The following RNF19A variants were observed in gnomAD, a reference collection of about 807,000 sequenced individuals.
RNF19A encodes the protein E3 ubiquitin-protein ligase RNF19A.
RNF19A carries 32 observed loss-of-function variants against 75.7 expected under a neutral mutation model. That is an observed-to-expected ratio of 0.42 (90% confidence interval 0.32 to 0.57). The LOEUF is 0.57. RNF19A is among the 20% of genes least tolerant of loss of function. The pLI is 0.10. For missense variants in RNF19A, 782 were observed against 1,036.3 expected (o/e 0.75, Z 3.37); for synonymous variants, 335 against 345.2 (o/e 0.97, Z 0.33).
chr8:100,270,254 G>A (rs757219870), intron 3 of RNF19A, among the ~76,000 whole-genome samples: 3 of 151,868 alleles, frequency 2.0e-5, no homozygotes, highest in Non-Finnish European at 4.4e-5. Context: ...TGAGAACAAA[G>A]AATAAAAAAA....
At position 100,259,575 on chromosome 8, in the gene RNF19A, A is replaced by G. The variant is rs1276429580; in HGVS notation, c.1826+279T>C. On this transcript the variant is annotated intron_variant, in intron 9 of 9. Transcript: ENST00000341084. The surrounding 1 kb of genome is among the most constrained non-coding windows in gnomAD (Gnocchi z 4.5). ...TTTTAGTTGTGATCAGAGCTGTGCAACCATCACCACTACCTAACTTCAGAA... is the reference window on the plus strand; with the variant it reads ...TTTTAGTTGTGATCAGAGCTGTGCAGCCATCACCACTACCTAACTTCAGAA... Among the ~76,000 whole-genome samples the G allele has an allele frequency of 6.6e-6, 1 of 152,148 alleles. No individual in the cohort carries two copies. Among genetic ancestry groups the G allele is most frequent in the Admixed American group, 6.5e-5 (1 of 15,274 alleles).
chr8:100,300,198 A>G (rs1821760311), intron 1 of RNF19A, among the ~76,000 whole-genome samples: 1 of 152,236 alleles, frequency 6.6e-6, no homozygotes, highest in Non-Finnish European at 1.5e-5. Flanking sequence ...CCCGAAAATG[A>G]GATTAAAAAC....
At chr8:100,326,605 A>AC (rs1822537032) in intron 1 of RNF19A, among the ~76,000 whole-genome samples, 1 of 151,500 alleles carries the variant, frequency 6.6e-6, no homozygotes, top group South Asian at 2.1e-4. Flanking sequence ...AAAGCACTTG[A>AC]CCCCCTTATC....
At position 100,287,464 on chromosome 8, in the gene RNF19A, A is replaced by T; in HGVS notation, c.674+37T>A. The T allele has an allele frequency of 3.9e-6, 6 of 1,537,316 alleles. No homozygotes were observed. Among genetic ancestry groups the T allele is most frequent in the Non-Finnish European group, 5.2e-6 (6 of 1,146,148 alleles). ...CAAATTATTTTATCCACAGAGAAAA[A>T]AATTAACTCAAGAAAAATCAAACAT... is the stretch of plus-strand genomic sequence containing the variant. On this transcript the variant is annotated intron_variant, in intron 2 of 9. Coordinates refer to ENST00000341084, the MANE Select transcript of RNF19A (RefSeq NM_183419.4). This position sits in a 1 kb window ranked among gnomAD's most constrained non-coding sequence, Gnocchi z 4.1.
At chr8:100,319,884 A>G (rs1788176) in intron 1 of RNF19A, among the ~76,000 whole-genome samples, 48,194 of 147,588 alleles carry the variant, frequency 0.33, 8,416 homozygotes, top group East Asian at 0.41. Context: ...TGCCCAGGAC[A>G]GAGTGCAATG....
rs768080460 is a variant in RNF19A at position 100,259,500 on chromosome 8, C to A, written c.1827-254G>T. 2.6e-5 allele frequency among the ~76,000 whole-genome samples: 4 copies of A among 152,028 alleles called. No individual in the cohort carries two copies. The highest frequency in any genetic ancestry group is 4.8e-5 in the African/African-American group (2 of 41,412). ...CACTATGCTACCTTTTTTTAAAGAA[C>A]AGCTTTATTCAGATACAATTCCCCT... On this transcript the variant is annotated intron_variant, in intron 9 of 9. Coordinates refer to ENST00000341084, the MANE Select transcript of RNF19A (RefSeq NM_183419.4). The surrounding 1 kb of genome is among the most constrained non-coding windows in gnomAD (Gnocchi z 4.5).
At chr8:100,274,049 T>C (rs1344770314) in intron 3 of RNF19A, among the ~76,000 whole-genome samples, 1 of 152,086 alleles carries the variant, frequency 6.6e-6, no homozygotes, top group African/African-American at 2.4e-5. Context: ...ACTCCCAGAG[T>C]GCTGGGATTA....
chr8:100,327,516 G>T (rs1822551736), intron 1 of RNF19A, among the ~76,000 whole-genome samples: 2 of 152,128 alleles, frequency 1.3e-5, no homozygotes, highest in African/African-American at 4.8e-5. Flanking sequence ...CTCCCAAACT[G>T]CTGGGATTAC....
Position 100,284,374 on chromosome 8 carries a change from G to A in RNF19A, c.674+3127C>T, listed in dbSNP as rs974733818. On this transcript the variant is annotated intron_variant, in intron 2 of 9. Transcript: ENST00000341084. This position sits in a 1 kb window ranked among gnomAD's most constrained non-coding sequence, Gnocchi z 4.3. ...TCATAAAACCTACATCACCAAGTAT[G>A]TGAAATACGACCATAACAACTAACA... Among the ~76,000 whole-genome samples the A allele has an allele frequency of 6.6e-5, 10 of 152,088 alleles. No individual in the cohort carries two copies. The highest frequency in any genetic ancestry group is 1.5e-4 in the Non-Finnish European group (10 of 67,978).
Position 100,324,131 on chromosome 8 carries a change from T to G in RNF19A, c.-242-10759A>C, listed in dbSNP as rs1822498350. 6.6e-6 allele frequency among the ~76,000 whole-genome samples: 1 copy of G among 152,236 alleles called. No homozygotes were observed. Among genetic ancestry groups the G allele is most frequent in the Admixed American group, 6.5e-5 (1 of 15,292 alleles). ...AAAGAAAATTCCCACACACTGAAGC[T>G]GCTACTATAATTTATTTTTTACAGC... On this transcript the variant is annotated intron_variant, in intron 1 of 3. Transcript: ENST00000519527. This position sits in a 1 kb window ranked among gnomAD's most constrained non-coding sequence, Gnocchi z 4.2.
At chr8:100,307,604 T>C (rs1393974839) in intron 1 of RNF19A, among the ~76,000 whole-genome samples, 2 of 151,522 alleles carry the variant, frequency 1.3e-5, no homozygotes, top group Non-Finnish European at 2.9e-5. Context: ...ATACAAGTGA[T>C]TATTTCAAAT....
rs919701616 is a variant in RNF19A at position 100,275,267 on chromosome 8, T to C, written c.675-106A>G. 19 of 922,650 alleles carry C rather than the reference T, an allele frequency of 2.1e-5. No homozygotes were observed. The highest frequency in any genetic ancestry group is 3.3e-5 in the African/African-American group (2 of 60,662). 57.2% of individuals were successfully genotyped at this position (922,650 alleles called of 1,614,324 possible). A position where few individuals can be genotyped will look rare whatever the true frequency, so the allele number is the denominator to read the frequency against. On this transcript the variant is annotated intron_variant, in intron 2 of 9. Transcript: ENST00000341084. This position sits in a 1 kb window ranked among gnomAD's most constrained non-coding sequence, Gnocchi z 4.3. ...ATTCCTGAAAAACATTTTCTATTTATACATTAGCAAACAGTCATAAGCACA... is the reference window on the plus strand; with the variant it reads ...ATTCCTGAAAAACATTTTCTATTTACACATTAGCAAACAGTCATAAGCACA...
At chr8:100,315,699 G>A (rs1822363264) in intron 1 of RNF19A, among the ~76,000 whole-genome samples, 1 of 152,126 alleles carries the variant, frequency 6.6e-6, no homozygotes, top group Non-Finnish European at 1.5e-5. Context: ...TTGTCCAGGT[G>A]GGAGTGCAGT....
intron 2 of RNF19A, among the ~76,000 whole-genome samples, chr8:100,282,186 C>A (rs1435205305): frequency 6.6e-6 from 1 of 152,154 alleles, no homozygotes; most frequent in Non-Finnish European, 1.5e-5. Context: ...CTGTGTCATA[C>A]ATTAACATGG....
chr8:100,301,876 G>C (rs1464901787), intron 1 of RNF19A, among the ~76,000 whole-genome samples: 1 of 152,174 alleles, frequency 6.6e-6, no homozygotes, highest in Non-Finnish European at 1.5e-5. Context: ...TCATTGAAAG[G>C]GTGGCATTTA....
chr8:100,305,696 G>A (rs1327358867), intron 1 of RNF19A, among the ~76,000 whole-genome samples: 1 of 152,268 alleles, frequency 6.6e-6, no homozygotes, highest in African/African-American at 2.4e-5. Context: ...ATCTTTTATT[G>A]TCAGGCTTAT....
rs1819648534 is a variant in RNF19A, at chr8:100,260,215, A to G, written c.1683-218T>C. 6.6e-6 allele frequency among the ~76,000 whole-genome samples: 1 copy of G among 152,220 alleles called. No individual in the cohort carries two copies. The highest frequency in any genetic ancestry group is 1.5e-5 in the Non-Finnish European group (1 of 68,040). On this transcript the variant is annotated intron_variant, in intron 8 of 9. Coordinates refer to ENST00000341084, the MANE Select transcript of RNF19A (RefSeq NM_183419.4). The surrounding 1 kb of genome is among the most constrained non-coding windows in gnomAD (Gnocchi z 4.1). ...GGAACATCAGCTGTCTGCCAAGTAA[A>G]GTGGTAATGAAATAACACAAAAAAG...
chr8:100,277,802 A>T (rs866604998), intron 2 of RNF19A, among the ~76,000 whole-genome samples: 1 of 152,218 alleles, frequency 6.6e-6, no homozygotes. Flanking sequence ...TTTTTTAATC[A>T]AAGTTTTAAT....
chr8:100,308,778 A>G (rs1822164787), intron 1 of RNF19A, among the ~76,000 whole-genome samples: 1 of 152,240 alleles, frequency 6.6e-6, no homozygotes, highest in African/African-American at 2.4e-5. Context: ...GTTTACTAAC[A>G]CTTAAAATTA....
Sources: allele counts gnomAD v4.1 joint callset (sites outside exome capture counted in the v4.1 genomes callset), GRCh38; gene constraint gnomAD v4.1.1; non-coding constraint Gnocchi (gnomAD v3.1); transcripts MANE v1.5; gene names NCBI Gene and HGNC (gene_info 2026-07-23, HGNC 2026-07-21).